OLA1: variants seen among roughly 807,000 people sequenced by gnomAD.
The protein encoded by OLA1 is Obg like ATPase 1.
OLA1 carries 14 observed loss-of-function variants against 48.4 expected under a neutral mutation model. The observed-to-expected ratio is 0.29, with a 90% CI of 0.19 to 0.45. The LOEUF is 0.45. Among genes scored for constraint, OLA1 ranks in the 20% least tolerant of loss-of-function variants. OLA1 has a pLI of 1.00. For missense variants in OLA1, 325 were observed against 467.1 expected, an observed-to-expected ratio of 0.70 and a Z score of 2.80; for synonymous variants, 127 against 150.4, an observed-to-expected ratio of 0.84 and a Z score of 1.14.
At chr2:174,217,608 C>A (rs541482424) in intron 4 of OLA1, among the ~76,000 whole-genome samples, 1 of 152,214 alleles carries the variant, frequency 6.6e-6, no homozygotes, top group African/African-American at 2.4e-5. Context: ...TATGCATACA[C>A]CTGTGAAACC....
intron 7 of OLA1, among the ~76,000 whole-genome samples, chr2:174,111,716 A>G: frequency 6.6e-6 from 1 of 152,214 alleles, no homozygotes; most frequent in East Asian, 1.9e-4. Context: ...ACAAACACAC[A>G]CAGTCTCACA....
At chr2:174,184,319 T>C (rs1687606766) in intron 4 of OLA1, among the ~76,000 whole-genome samples, 1 of 152,294 alleles carries the variant, frequency 6.6e-6, no homozygotes, top group African/African-American at 2.4e-5. Context: ...TATCATGTAC[T>C]CCAGGATATG....
rs549322845 is a variant in OLA1, at chr2:174,247,921, G to A, written c.-1+531C>T. ...AAATCACAAAGACCGCTAAGCTCAC[G>A]TCTCAGAAGCTGGGAACTAAAACTG... is the stretch of plus-strand genomic sequence containing the variant. On this transcript the variant is annotated intron_variant, in intron 1 of 10. Coordinates refer to ENST00000284719, the MANE Select transcript of OLA1 (RefSeq NM_013341.5). 6 of 989,168 alleles carry A rather than the reference G, an allele frequency of 6.1e-6. No individual in the cohort carries two copies. In the Admixed American group the frequency reaches 1.3e-4, roughly 22 times the overall value. 61.3% of individuals were successfully genotyped at this position (989,168 alleles called of 1,614,324 possible). A position where few individuals can be genotyped will look rare whatever the true frequency, so the allele number is the denominator to read the frequency against.
chr2:174,152,307 C>T (rs927781512), intron 4 of OLA1, among the ~76,000 whole-genome samples: 5 of 152,012 alleles, frequency 3.3e-5, no homozygotes, highest in South Asian at 2.1e-4. Flanking sequence ...GAGGCTGAGG[C>T]AGGAGAATTG....
At chr2:174,208,646 T>C (rs751638298) in intron 4 of OLA1, among the ~76,000 whole-genome samples, 30 of 152,192 alleles carry the variant, frequency 2.0e-4, no homozygotes, top group Admixed American at 1.0e-3. Context: ...AAGTAGATTA[T>C]ACATTTCCCT....
chr2:174,140,009 C>A (rs1391164193), intron 5 of OLA1, among the ~76,000 whole-genome samples: 1 of 151,894 alleles, frequency 6.6e-6, no homozygotes, highest in African/African-American at 2.4e-5. Flanking sequence ...TAACCTAAGT[C>A]TTTCACGCTT....
intron 5 of OLA1, among the ~76,000 whole-genome samples, chr2:174,124,965 T>A (rs1055523997): frequency 2.6e-5 from 4 of 152,198 alleles, no homozygotes; most frequent in Non-Finnish European, 5.9e-5. Context: ...TGAAAACTTT[T>A]AATGAAATCT....
intron 4 of OLA1, among the ~76,000 whole-genome samples, chr2:174,215,104 T>C (rs1368521810): frequency 6.6e-6 from 1 of 151,430 alleles, no homozygotes; most frequent in Non-Finnish European, 1.5e-5. Context: ...AAGAGCAATA[T>C]TTCCAAAACA....
At chr2:174,205,518 T>A (rs1688092139) in intron 4 of OLA1, among the ~76,000 whole-genome samples, 1 of 152,200 alleles carries the variant, frequency 6.6e-6, no homozygotes, top group African/African-American at 2.4e-5. Flanking sequence ...GTGGATACAG[T>A]TGTCCTTTTC....
chr2:174,151,415 T>C (rs1011941710), intron 4 of OLA1, among the ~76,000 whole-genome samples: 3 of 152,194 alleles, frequency 2.0e-5, no homozygotes, highest in Non-Finnish European at 4.4e-5. Context: ...ACAAACTATA[T>C]GCTACATTAT....
chr2:174,150,410 A>G (rs777362982), intron 4 of OLA1, among the ~76,000 whole-genome samples: 2 of 152,222 alleles, frequency 1.3e-5, no homozygotes, highest in Admixed American at 6.5e-5. Flanking sequence ...ATTGTAAGAA[A>G]TAAGTTTCTT....
rs1684661114 is a variant in OLA1 at position 174,073,735 on chromosome 2, A to G, written c.*1691T>C. The G allele has an allele frequency of 6.6e-6, 1 of 152,212 alleles. No homozygotes were observed. Among genetic ancestry groups the G allele is most frequent in the South Asian group, 2.1e-4 (1 of 4,836 alleles). The allele number at this position is 152,212 out of a possible 1,614,324, so 9.4% of individuals were successfully genotyped here. On this transcript the variant is annotated 3_prime_UTR_variant, in exon 11 of 11. Coordinates refer to ENST00000284719, the MANE Select transcript of OLA1 (RefSeq NM_013341.5). Reference sequence around the variant, plus strand: ...CAATTTACTTTGGAGAAGACCCAAAAGCAAGATATTTGATTCTTTCTTATA... The same window carrying G: ...CAATTTACTTTGGAGAAGACCCAAAGGCAAGATATTTGATTCTTTCTTATA...
chr2:174,128,428 T>G (rs1466863759), intron 5 of OLA1, among the ~76,000 whole-genome samples: 1 of 151,488 alleles, frequency 6.6e-6, no homozygotes, highest in African/African-American at 2.4e-5. Context: ...AATAAACATT[T>G]TTTTTTTAAA....
chr2:174,149,819 T>C (rs1359307286), intron 4 of OLA1, among the ~76,000 whole-genome samples: 1 of 151,790 alleles, frequency 6.6e-6, no homozygotes, highest in Non-Finnish European at 1.5e-5. Context: ...AAGATGTGAG[T>C]AAAAAGGATA....
intron 7 of OLA1, among the ~76,000 whole-genome samples, chr2:174,091,849 G>A (rs1685118749): frequency 9.7e-6 from 1 of 102,804 alleles, no homozygotes; most frequent in African/African-American, 3.8e-5. Context: ...TCCAGCCTGG[G>A]AGACAGCGAG....
chr2:174,087,703 A>G (rs978563981), intron 7 of OLA1, among the ~76,000 whole-genome samples: 2 of 152,160 alleles, frequency 1.3e-5, no homozygotes, highest in African/African-American at 4.8e-5. Flanking sequence ...CAACCCTGAA[A>G]TAGTTTTCTC....
chr2:174,200,557 T>C (rs1161637642), intron 4 of OLA1, among the ~76,000 whole-genome samples: 1 of 152,102 alleles, frequency 6.6e-6, no homozygotes, highest in Non-Finnish European at 1.5e-5. Context: ...GCATCAAAAG[T>C]GCTCAGGAAC....
chr2:174,161,444 T>G (rs901599635), intron 4 of OLA1, among the ~76,000 whole-genome samples: 1 of 152,146 alleles, frequency 6.6e-6, no homozygotes, highest in African/African-American at 2.4e-5. Flanking sequence ...AAAATCTTAT[T>G]GCTTGACTAA....
rs1684807007 is a variant in OLA1 at position 174,079,026 on chromosome 2, A to G, written c.1031T>C (p.Met344Thr). ...IHTDFEKGFI[M>T]AEVMKYEDFK... is the part of the protein sequence containing the mutation. ...ATCTTCGTATTTCATTACTTCAGCC[A>G]TAATGAATCCCTTTTCAAAATCTGT... is the stretch of plus-strand genomic sequence containing the variant. The change falls in exon 10 of 11, where the codon ATG (methionine) becomes ACG (threonine). Residue 344 changes from methionine to threonine, a missense_variant. By Grantham distance (81) the Met-to-Thr change is moderately conservative. Coordinates refer to ENST00000284719, the MANE Select transcript of OLA1 (RefSeq NM_013341.5). 2 of 1,603,472 alleles carry G rather than the reference A, an allele frequency of 1.2e-6. No individual in the cohort carries two copies. Among genetic ancestry groups the G allele is most frequent in the Non-Finnish European group, 1.7e-6 (2 of 1,174,556 alleles).
Sources: allele counts gnomAD v4.1 joint callset (sites outside exome capture counted in the v4.1 genomes callset), GRCh38; gene constraint gnomAD v4.1.1; transcripts MANE v1.5; gene names NCBI Gene and HGNC (gene_info 2026-07-23, HGNC 2026-07-21).